PRR5: variants seen among roughly 807,000 people sequenced by gnomAD.
The protein encoded by PRR5 is proline-rich protein 5.
A neutral mutation model predicts 30.6 loss-of-function variants in PRR5; 25 were observed. That is an observed-to-expected ratio of 0.82 (90% CI 0.60 to 1.14). The LOEUF is 1.14. PRR5 is among the 50% of genes most tolerant of loss of function. PRR5 has a pLI of 0.00. For synonymous variants in PRR5, 286 were observed against 247.1 expected (o/e 1.16, Z -1.48); for missense variants, 600 against 547.1 (o/e 1.10, Z -0.96).
intron 4 of PRR5, among the ~76,000 whole-genome samples, chr22:44,728,946 G>C (rs926406399): frequency 5.3e-5 from 8 of 152,202 alleles, no homozygotes; most frequent in Admixed American, 5.2e-4. Context: ...CCTAGGAAGG[G>C]GAGGAAGACT....
chr22:44,697,337 C>T (rs73416565), upstream of PRR5, among the ~76,000 whole-genome samples: 4,856 of 152,238 alleles, frequency 0.032, 256 homozygotes, highest in African/African-American at 0.11. Flanking sequence ...TTGGCGTGCC[C>T]CTGTGACTGT....
intron 1 of PRR5, among the ~76,000 whole-genome samples, chr22:44,696,125 T>C (rs922678078): frequency 3.9e-5 from 6 of 152,000 alleles, no homozygotes; most frequent in South Asian, 2.1e-4. Context: ...GGTTTCACCA[T>C]GTTGGCCAGG....
chr22:44,729,272 C>T (rs909025988), intron 4 of PRR5: 6 of 925,978 alleles, frequency 6.5e-6, no homozygotes, highest in South Asian at 5.0e-5. Flanking sequence ...CTCACTGTTC[C>T]TGAGTCTCCC....
chr22:44,672,729 T>G (rs1224571551), upstream of PRR5, among the ~76,000 whole-genome samples: 4 of 152,230 alleles, frequency 2.6e-5, no homozygotes, highest in Non-Finnish European at 5.9e-5. Context: ...TGAGCTCCTG[T>G]CCTGCCAGCC....
At chr22:44,708,339 G>T (rs1276876559) in intron 1 of PRR5, among the ~76,000 whole-genome samples, 1 of 152,168 alleles carries the variant, frequency 6.6e-6, no homozygotes, top group Non-Finnish European at 1.5e-5. Context: ...ACACATGTGG[G>T]TTCATGTCCC....
chr22:44,710,426 C>T (rs973559614), intron 1 of PRR5, among the ~76,000 whole-genome samples: 3 of 152,148 alleles, frequency 2.0e-5, no homozygotes, highest in Non-Finnish European at 4.4e-5. Flanking sequence ...GGAGGCGGTC[C>T]ACATCTGGAC....
At chr22:44,718,779 G>A (rs1027090168) in intron 2 of PRR5, among the ~76,000 whole-genome samples, 1 of 152,100 alleles carries the variant, frequency 6.6e-6, no homozygotes, top group African/African-American at 2.4e-5. Context: ...GTGTTTATTG[G>A]TCATTTAGAT....
intron 4 of PRR5, 50 bp from the exon 5 acceptor site, chr22:44,731,680 C>T: frequency 6.3e-7 from 1 of 1,583,410 alleles, no homozygotes; most frequent in Non-Finnish European, 8.7e-7. Context: ...TGAGTGGAGG[C>T]ATCTGCCCGC....
rs376589595 is a variant in PRR5 at position 44,714,637 on chromosome 22, G to A, written c.181G>A (p.Asp61Asn). 3.8e-5 allele frequency: 62 copies of A among 1,613,674 alleles called. No individual in the cohort carries two copies. The highest frequency in any genetic ancestry group is 4.6e-5 in the Non-Finnish European group (54 of 1,180,022). Residue 61 changes from aspartate (D) to asparagine (N), a missense_variant, in exon 2 of 8, where the codon GAC (aspartate) becomes AAC (asparagine). Asp to Asn is a conservative substitution (Grantham distance 23). Transcript: ENST00000336985. ...CGTCTTCCAGCGCAAGGGGCTGCCC[G>A]ACCAGGAGCTCTTCAGCCTCAACGA... ...IAVFQRKGLP[D>N]QELFSLNEGV...
In PRR5 at chr22:44,736,896, G is replaced by A. The variant is rs569490184; in HGVS notation, c.816G>A (p.Ala272=). Residue 272 remains alanine (A), a synonymous_variant, in exon 8 of 8, where the codon GCG becomes GCA. Transcript: ENST00000336985. The part of the protein sequence containing the change: ...PVQEHEAEGA[A]AGGTSIRRHS... ...AGGAGCACGAGGCGGAGGGCGCGGCGGCCGGCGGTACCAGCATCCGCAGGC... is the reference window on the plus strand; with the variant it reads ...AGGAGCACGAGGCGGAGGGCGCGGCAGCCGGCGGTACCAGCATCCGCAGGC... 3.0e-5 allele frequency: 48 copies of A among 1,608,826 alleles called. No homozygotes were observed. Among genetic ancestry groups the A allele is most frequent in the Middle Eastern group, 3.3e-4 (2 of 6,000 alleles).
At chr22:44,680,281 G>A (rs1438336260) in intron 1 of PRR5, among the ~76,000 whole-genome samples, 1 of 152,104 alleles carries the variant, frequency 6.6e-6, no homozygotes. Context: ...TTTGAAATGG[G>A]CAGAAGAGCA....
At position 44,695,923 on chromosome 22, in the gene PRR5, C is replaced by CTTTTTTTT. The variant is rs79228617; in HGVS notation, c.-10-6551_-10-6544dup. Among the ~76,000 whole-genome samples, 35 of 73,346 alleles carry CTTTTTTTT rather than the reference C, an allele frequency of 4.8e-4. 4 individuals are homozygous for CTTTTTTTT. The highest frequency in any genetic ancestry group is 2.9e-3 in the South Asian group (4 of 1,368). 48.1% of individuals were successfully genotyped at this position (73,346 alleles called of 152,430 possible). A position where few individuals can be genotyped will look rare whatever the true frequency, so the allele number is the denominator to read the frequency against. ...AGTGATTCCATTTTGATTCTGACAA[C>CTTTTTTTT]TTTTTTTTTTTTTTTTTTTTTTTTT... is the stretch of plus-strand genomic sequence containing the variant. On this transcript the variant is annotated intron_variant, in intron 1 of 8. Transcript: ENST00000006251.
intron 1 of PRR5, among the ~76,000 whole-genome samples, chr22:44,686,543 G>A (rs35775811): frequency 1.5e-4 from 22 of 151,660 alleles, no homozygotes; most frequent in African/African-American, 4.6e-4. Context: ...ATGGAGTCTC[G>A]CTCTGTCGCC....
At chr22:44,730,784 C>G (rs1006865080) in intron 4 of PRR5, 1 of 647,410 alleles carries the variant, frequency 1.5e-6, no homozygotes, top group Non-Finnish European at 2.2e-6. Context: ...CCAGACCTGA[C>G]CACAGGCAGA....
chr22:44,707,192 T>G (rs192447688), intron 1 of PRR5, among the ~76,000 whole-genome samples: 106 of 152,340 alleles, frequency 7.0e-4, no homozygotes, highest in Admixed American at 6.9e-3. Context: ...CTGGCCCCTG[T>G]GCCCCTATGG....
intron 2 of PRR5, among the ~76,000 whole-genome samples, chr22:44,717,726 T>G (rs1398708595): frequency 6.6e-6 from 1 of 151,700 alleles, no homozygotes; most frequent in African/African-American, 2.4e-5. Context: ...GCTTTTTTTT[T>G]TTTTTTTGAG....
At position 44,737,105 on chromosome 22, in the gene PRR5, G is replaced by A. The variant is rs141096517; in HGVS notation, c.1025G>A (p.Arg342His). The A allele has an allele frequency of 6.0e-4, 975 of 1,612,104 alleles. No individual in the cohort carries two copies. The highest frequency in any genetic ancestry group is 7.7e-4 in the Non-Finnish European group (913 of 1,179,948). ...GLDPTRSSLP[R>H]SSPENLVDQI... Reference sequence around the variant, plus strand: ...GATCCCACCCGCAGCTCCCTGCCCCGCTCCAGCCCGGAGAACCTGGTGGAC... The same window carrying A: ...GATCCCACCCGCAGCTCCCTGCCCCACTCCAGCCCGGAGAACCTGGTGGAC... The change falls in exon 8 of 8, where the codon CGC becomes CAC. Residue 342 changes from arginine to histidine, a missense_variant. Transcript: ENST00000336985.
At chr22:44,728,726 T>TG (rs578227325) in intron 4 of PRR5, among the ~76,000 whole-genome samples, 58 of 152,314 alleles carry the variant, frequency 3.8e-4, no homozygotes, top group African/African-American at 1.4e-3. Context: ...TGGGTTCCAC[T>TG]GGGAGCTCTT....
intron 1 of PRR5, among the ~76,000 whole-genome samples, chr22:44,685,968 A>G (rs923709926): frequency 2.6e-5 from 4 of 152,178 alleles, no homozygotes; most frequent in South Asian, 2.1e-4. Flanking sequence ...AAGTTCCCCT[A>G]TTGGGGCCCG....
Sources: allele counts gnomAD v4.1 joint callset (sites outside exome capture counted in the v4.1 genomes callset), GRCh38; gene constraint gnomAD v4.1.1; transcripts MANE v1.5; gene names NCBI Gene and HGNC (gene_info 2026-07-23, HGNC 2026-07-21).